Variants in GALNT18 observed in about 807,000 individuals in gnomAD.
GALNT18 encodes polypeptide N-acetylgalactosaminyltransferase 18.
In GALNT18, 44 loss-of-function variants were observed where a neutral mutation model predicts 69.5. The ratio of observed to expected loss-of-function variants is 0.63; its 90% confidence interval spans 0.50 to 0.81. The LOEUF is 0.81. Among genes scored for constraint, GALNT18 ranks in the 40% least tolerant of loss-of-function variants. The probability of loss-of-function intolerance (pLI) is 0.00; values close to 1 mark genes in which losing one functional copy is unlikely to be tolerated. For synonymous variants in GALNT18, 364 were observed against 318.2 expected (o/e 1.14, Z -1.53); for missense variants, 715 against 810.0 (o/e 0.88, Z 1.42).
intron 1 of GALNT18, among the ~76,000 whole-genome samples, chr11:11,462,106 A>G (rs1355397897): frequency 6.6e-6 from 1 of 152,118 alleles, no homozygotes. Flanking sequence ...AGAGTTTCTC[A>G]TTCAGCAGTC....
chr11:11,553,966 G>A (rs530352633), intron 1 of GALNT18, among the ~76,000 whole-genome samples: 9 of 152,298 alleles, frequency 5.9e-5, no homozygotes, highest in South Asian at 4.2e-4. Context: ...TGATACTTCC[G>A]TAATTATACA....
chr11:11,462,297 G>T (rs938795896), intron 1 of GALNT18, among the ~76,000 whole-genome samples: 1 of 144,884 alleles, frequency 6.9e-6, no homozygotes, highest in East Asian at 2.0e-4. Flanking sequence ...TTTCCTTTGC[G>T]ATGGAGTCTT....
intron 2 of GALNT18, among the ~76,000 whole-genome samples, chr11:11,446,007 C>T (rs1466287708): frequency 6.6e-6 from 1 of 152,186 alleles, no homozygotes; most frequent in African/African-American, 2.4e-5. Flanking sequence ...ATCAAGGGCT[C>T]CCACATGCGC....
In GALNT18 at chr11:11,523,393, C is replaced by T. The variant is rs1027781465; in HGVS notation, c.236-74457G>A. ...GCTTGCTTGCTCTGTGCAGAGGTAACCGAGAGCTACCTCTAGAGGTCTTCA... is the reference window on the plus strand; with the variant it reads ...GCTTGCTTGCTCTGTGCAGAGGTAATCGAGAGCTACCTCTAGAGGTCTTCA... On this transcript the variant is annotated intron_variant, in intron 1 of 10. Coordinates refer to ENST00000227756, the MANE Select transcript of GALNT18 (RefSeq NM_198516.3). This position sits in a 1 kb window ranked among gnomAD's most constrained non-coding sequence, Gnocchi z 4.3. Among the ~76,000 whole-genome samples, 8 of 152,056 alleles carry T rather than the reference C, an allele frequency of 5.3e-5. No individual in the cohort carries two copies. Among genetic ancestry groups the T allele is most frequent in the Non-Finnish European group, 7.4e-5 (5 of 68,016 alleles).
rs1464511990 is a variant in GALNT18, at chr11:11,496,503, G to T, written c.236-47567C>A. On this transcript the variant is annotated intron_variant, in intron 1 of 10. Coordinates refer to ENST00000227756, the MANE Select transcript of GALNT18 (RefSeq NM_198516.3). The surrounding 1 kb of genome is among the most constrained non-coding windows in gnomAD (Gnocchi z 4.0). Reference sequence around the variant, plus strand: ...TGCTGGAAAAATAAAACAGAAGATGGTTCTTAGGAAAAGATTTCCTCTTCA... The same window carrying T: ...TGCTGGAAAAATAAAACAGAAGATGTTTCTTAGGAAAAGATTTCCTCTTCA... Among the ~76,000 whole-genome samples, 1 of 152,170 alleles carries T rather than the reference G, an allele frequency of 6.6e-6. No individual in the cohort carries two copies. Among genetic ancestry groups the T allele is most frequent in the African/African-American group, 2.4e-5 (1 of 41,446 alleles).
intron 9 of GALNT18, among the ~76,000 whole-genome samples, chr11:11,305,374 A>C (rs1193538994): frequency 6.6e-6 from 1 of 152,232 alleles, no homozygotes; most frequent in Non-Finnish European, 1.5e-5. Flanking sequence ...CATAAGGAAG[A>C]CTGAACTGAT....
intron 6 of GALNT18, among the ~76,000 whole-genome samples, chr11:11,345,694 C>G (rs1850289884): frequency 6.6e-6 from 1 of 152,110 alleles, no homozygotes; most frequent in Non-Finnish European, 1.5e-5. Flanking sequence ...AGTGTGGGTA[C>G]AGGGATGGCT....
rs1336491004 is a variant in GALNT18, at chr11:11,616,734, C to T, written c.235+4625G>A. Among the ~76,000 whole-genome samples the T allele has an allele frequency of 6.6e-6, 1 of 152,222 alleles. No individual in the cohort carries two copies. Among genetic ancestry groups the T allele is most frequent in the African/African-American group, 2.4e-5 (1 of 41,450 alleles). On this transcript the variant is annotated intron_variant, in intron 1 of 10. Coordinates refer to ENST00000227756, the MANE Select transcript of GALNT18 (RefSeq NM_198516.3). The surrounding 1 kb of genome is among the most constrained non-coding windows in gnomAD (Gnocchi z 4.4). ...AGCTCCTGCAAATAGTTGAGTTTTA[C>T]ACTTACCAGTGGTCCACTGGGTTTG...
intron 3 of GALNT18, among the ~76,000 whole-genome samples, chr11:11,381,400 C>G (rs1411633570): frequency 6.6e-6 from 1 of 152,146 alleles, no homozygotes; most frequent in Non-Finnish European, 1.5e-5. Flanking sequence ...ATACCTGTCC[C>G]CTTCTCTCCC....
Position 11,435,653 on chromosome 11 carries a change from T to G in GALNT18, c.429-2866A>C, listed in dbSNP as rs534153971. 6.6e-6 allele frequency among the ~76,000 whole-genome samples: 1 copy of G among 152,282 alleles called. No individual in the cohort carries two copies. The highest frequency in any genetic ancestry group is 1.5e-5 in the Non-Finnish European group (1 of 68,020). ...AGTCTGGCACTTAGTAGGCACTCCA[T>G]GAATGTTTTTGGAATGAAACGAACC... is the stretch of plus-strand genomic sequence containing the variant. On this transcript the variant is annotated intron_variant, in intron 2 of 10. Coordinates refer to ENST00000227756, the MANE Select transcript of GALNT18 (RefSeq NM_198516.3). This position sits in a 1 kb window ranked among gnomAD's most constrained non-coding sequence, Gnocchi z 4.4.
chr11:11,562,089 T>C lies in GALNT18; in HGVS notation c.235+59270A>G, dbSNP rs759639263. 6.6e-5 allele frequency among the ~76,000 whole-genome samples: 10 copies of C among 152,216 alleles called. No homozygotes were observed. The highest frequency in any genetic ancestry group is 1.5e-4 in the Non-Finnish European group (10 of 68,036). Reference sequence around the variant, plus strand: ...AAAGGTGTGGGATTGCTCCCTGCATTAGTTTGCTAGTGCTGTCCTAACTAA... The same window carrying C: ...AAAGGTGTGGGATTGCTCCCTGCATCAGTTTGCTAGTGCTGTCCTAACTAA... On this transcript the variant is annotated intron_variant, in intron 1 of 10. Coordinates refer to ENST00000227756, the MANE Select transcript of GALNT18 (RefSeq NM_198516.3). The surrounding 1 kb of genome is among the most constrained non-coding windows in gnomAD (Gnocchi z 4.1).
chr11:11,528,325 T>G (rs7948909), intron 1 of GALNT18, among the ~76,000 whole-genome samples: 103,777 of 152,072 alleles, frequency 0.68, 36,032 homozygotes, highest in African/African-American at 0.81. Flanking sequence ...AGGCCAAATT[T>G]TGACGGAACT....
At position 11,523,444 on chromosome 11, in the gene GALNT18, T is replaced by C. The variant is rs922259554; in HGVS notation, c.236-74508A>G. Among the ~76,000 whole-genome samples, 2 of 152,126 alleles carry C rather than the reference T, an allele frequency of 1.3e-5. No individual in the cohort carries two copies. Among genetic ancestry groups the C allele is most frequent in the Admixed American group, 1.3e-4 (2 of 15,274 alleles). On this transcript the variant is annotated intron_variant, in intron 1 of 10. Coordinates refer to ENST00000227756, the MANE Select transcript of GALNT18 (RefSeq NM_198516.3). This position sits in a 1 kb window ranked among gnomAD's most constrained non-coding sequence, Gnocchi z 4.3. ...AACTCAAGAAGTCTGGTTTCAAAGC[T>C]AATGCTCTTAAAATTCTTACACCGT...
At chr11:11,288,586 C>T (rs1387343033) in intron 10 of GALNT18, among the ~76,000 whole-genome samples, 1 of 152,182 alleles carries the variant, frequency 6.6e-6, no homozygotes, top group African/African-American at 2.4e-5. Flanking sequence ...TGTCCAACCC[C>T]CATGCTCAAT....
Position 11,469,147 on chromosome 11 carries a change from C to G in GALNT18, c.236-20211G>C, listed in dbSNP as rs773795149. ...GCTCTGATGATATTATTTTTTGGAT[C>G]CCGGTAGCCAAGAAAAGCAGTCTGA... is the stretch of plus-strand genomic sequence containing the variant. On this transcript the variant is annotated intron_variant, in intron 1 of 10. Coordinates refer to ENST00000227756, the MANE Select transcript of GALNT18 (RefSeq NM_198516.3). This position sits in a 1 kb window ranked among gnomAD's most constrained non-coding sequence, Gnocchi z 4.2. 1.6e-4 allele frequency among the ~76,000 whole-genome samples: 25 copies of G among 152,124 alleles called. No homozygotes were observed. Among genetic ancestry groups the G allele is most frequent in the Non-Finnish European group, 3.1e-4 (21 of 68,022 alleles).
At chr11:11,388,068 C>G (rs1479792847) in intron 3 of GALNT18, among the ~76,000 whole-genome samples, 1 of 152,220 alleles carries the variant, frequency 6.6e-6, no homozygotes, top group Non-Finnish European at 1.5e-5. Flanking sequence ...TTCCCTTACT[C>G]AGGCTACAGG....
At chr11:11,581,753 T>C (rs1166034063) in intron 1 of GALNT18, among the ~76,000 whole-genome samples, 1 of 152,190 alleles carries the variant, frequency 6.6e-6, no homozygotes, top group Non-Finnish European at 1.5e-5. Context: ...TGCATGTGGC[T>C]GCTGCATCTT....
At chr11:11,529,084 A>G (rs373138622) in intron 1 of GALNT18, among the ~76,000 whole-genome samples, 1 of 152,196 alleles carries the variant, frequency 6.6e-6, no homozygotes, top group Non-Finnish European at 1.5e-5. Context: ...CCAGGGGTTT[A>G]CCAAAAGTTC....
Position 11,621,802 on chromosome 11 carries a change from G to A in GALNT18, c.-209C>T. On this transcript the variant is annotated 5_prime_UTR_variant, in exon 1 of 11. Coordinates refer to ENST00000227756, the MANE Select transcript of GALNT18 (RefSeq NM_198516.3). This position sits in a 1 kb window ranked among gnomAD's most constrained non-coding sequence, Gnocchi z 9.3. ...GCCGCTGGCCACCCGGAGAGACCTT[G>A]ACAAAGGAAACCAGGTGGATTTTTT... is the stretch of plus-strand genomic sequence containing the variant. 1.7e-6 allele frequency: 1 copy of A among 585,746 alleles called. No homozygotes were observed. Among genetic ancestry groups the A allele is most frequent in the Non-Finnish European group, 3.0e-6 (1 of 329,870 alleles). 36.3% of individuals were successfully genotyped at this position (585,746 alleles called of 1,614,324 possible).
Sources: gnomAD v4.1 joint callset for allele counts (sites outside exome capture counted in the v4.1 genomes callset) on GRCh38, gnomAD v4.1.1 for gene constraint, Gnocchi (gnomAD v3.1) non-coding constraint, MANE v1.5 for transcripts, NCBI Gene and HGNC (gene_info 2026-07-23, HGNC 2026-07-21) for gene names.